Variants in DPH6 observed in about 807,000 individuals in gnomAD.
DPH6 encodes the protein diphthine--ammonia ligase.
Under a neutral mutation model 38.2 loss-of-function variants are expected in DPH6, and 33 were observed. The ratio of observed to expected loss-of-function variants is 0.86; its 90% confidence interval spans 0.65 to 1.15. DPH6 has a LOEUF of 1.15. DPH6 is among the 50% of genes most tolerant of loss of function. The pLI is 0.00. For synonymous variants in DPH6, 108 were observed against 103.0 expected, an observed-to-expected ratio of 1.05 and a Z score of -0.30; for missense variants, 325 against 320.0, an observed-to-expected ratio of 1.02 and a Z score of -0.12.
intron 3 of DPH6, among the ~76,000 whole-genome samples, chr15:35,458,100 A>C (rs961820244): frequency 6.6e-6 from 1 of 152,348 alleles, no homozygotes; most frequent in African/African-American, 2.4e-5. Flanking sequence ...AATAGCTGCC[A>C]TACTGTATTT....
At chr15:35,380,984 ATGTCT>A (rs1427553322) in intron 7 of DPH6, among the ~76,000 whole-genome samples, 1 of 152,184 alleles carries the variant, frequency 6.6e-6, no homozygotes, top group African/African-American at 2.4e-5. Flanking sequence ...GGTAATGAAA[ATGTCT>A]TGTCATATTT....
rs532652206 is a variant in DPH6, at chr15:35,521,222, C to T, written c.312+17052G>A. 344 of 985,502 alleles carry T rather than the reference C, an allele frequency of 3.5e-4. 1 individual carries two copies. The African/African-American group carries it at 5.6e-3, about 16-fold the overall frequency. The allele number at this position is 985,502 out of a possible 1,614,324, so 61.0% of individuals were successfully genotyped here. A position where few individuals can be genotyped will look rare whatever the true frequency, so the allele number is the denominator to read the frequency against. On this transcript the variant is annotated intron_variant, in intron 3 of 8. Coordinates refer to ENST00000256538, the MANE Select transcript of DPH6 (RefSeq NM_080650.4). Reference sequence around the variant, plus strand: ...TAATTTATGGGTTTTGCTTAGTTTCCTCCTAAGGCAAGGCAGTTCTAGTCA... The same window carrying T: ...TAATTTATGGGTTTTGCTTAGTTTCTTCCTAAGGCAAGGCAGTTCTAGTCA...
At chr15:35,379,991 T>C (rs959642928) in intron 7 of DPH6, among the ~76,000 whole-genome samples, 3 of 152,030 alleles carry the variant, frequency 2.0e-5, no homozygotes, top group Middle Eastern at 3.4e-3. Context: ...AAGTGAGGCA[T>C]AGCCTATGAA....
chr15:35,433,569 C>G (rs1363984507), intron 5 of DPH6, among the ~76,000 whole-genome samples: 1 of 152,110 alleles, frequency 6.6e-6, no homozygotes, highest in Non-Finnish European at 1.5e-5. Flanking sequence ...TTCACAATTA[C>G]TAAATTCTTC....
intron 6 of DPH6, among the ~76,000 whole-genome samples, chr15:35,389,985 G>A (rs181241871): frequency 5.9e-4 from 90 of 152,284 alleles, no homozygotes; most frequent in African/African-American, 2.0e-3. Context: ...AATACTGCTT[G>A]TTCCTTTCCA....
chr15:35,231,520 T>G (rs2051517573), intron 3 of DPH6, among the ~76,000 whole-genome samples: 1 of 152,212 alleles, frequency 6.6e-6, no homozygotes, highest in Non-Finnish European at 1.5e-5. Context: ...TTTTTTTGTG[T>G]GTAGAAAGTT....
chr15:35,544,526 A>T (rs1484667016), intron 1 of DPH6, among the ~76,000 whole-genome samples: 1 of 152,118 alleles, frequency 6.6e-6, no homozygotes, highest in Non-Finnish European at 1.5e-5. Flanking sequence ...AAAAAGGAAA[A>T]TAATCTTCTT....
intron 3 of DPH6, among the ~76,000 whole-genome samples, chr15:35,223,344 T>A (rs1206515477): frequency 1.3e-5 from 2 of 151,982 alleles, no homozygotes; most frequent in Non-Finnish European, 2.9e-5. Context: ...AGGGTGGAGC[T>A]CTAATGGACT....
At chr15:35,260,978 A>G (rs962144895) in intron 3 of DPH6, among the ~76,000 whole-genome samples, 11 of 152,170 alleles carry the variant, frequency 7.2e-5, no homozygotes, top group Admixed American at 7.2e-4. Context: ...ACATTTTAAC[A>G]CCTACCCATT....
intron 3 of DPH6, among the ~76,000 whole-genome samples, chr15:35,356,313 C>G (rs2052559689): frequency 6.6e-6 from 1 of 152,188 alleles, no homozygotes; most frequent in African/African-American, 2.4e-5. Flanking sequence ...CAGCTTTGTT[C>G]TGTTGCTGGT....
At chr15:35,220,054 T>C (rs996871031) in exon 4 of DPH6, 2 of 152,224 alleles carry the variant, frequency 1.3e-5, no homozygotes, top group African/African-American at 4.8e-5. Context: ...TGTTACACAT[T>C]TATTATGAAA....
Position 35,358,486 on chromosome 15 carries a change from T to G in DPH6, n.207+15035A>C, listed in dbSNP as rs141001964. 6.0e-4 allele frequency among the ~76,000 whole-genome samples: 91 copies of G among 152,302 alleles called. 1 individual carries two copies. The East Asian group carries it at 0.016, about 27-fold the overall frequency. On this transcript the variant is annotated intron_variant and non_coding_transcript_variant, in intron 3 of 3. Transcript: ENST00000558973. Reference sequence around the variant, plus strand: ...TTTTGTCATATTACCAGGGTTGGTTTTCTGGTTGCTTCTCATTTGGGTAGC... The same window carrying G: ...TTTTGTCATATTACCAGGGTTGGTTGTCTGGTTGCTTCTCATTTGGGTAGC...
intron 3 of DPH6, chr15:35,521,527 G>A (rs1427550496): frequency 3.3e-6 from 4 of 1,221,442 alleles, no homozygotes; most frequent in Non-Finnish European, 4.1e-6. Flanking sequence ...GAAGAGTTGT[G>A]TTCAATTTTG....
At chr15:35,476,565 AT>A (rs1343023508) in intron 3 of DPH6, among the ~76,000 whole-genome samples, 1 of 151,856 alleles carries the variant, frequency 6.6e-6, no homozygotes, top group Non-Finnish European at 1.5e-5. Flanking sequence ...CAAAGATTCT[AT>A]TTTTTTCTTC....
At chr15:35,222,790 A>T (rs2051451396) in intron 3 of DPH6, among the ~76,000 whole-genome samples, 1 of 152,144 alleles carries the variant, frequency 6.6e-6, no homozygotes, top group African/African-American at 2.4e-5. Context: ...TGTGAAGATA[A>T]ACTATCAATT....
At chr15:35,385,700 A>C (rs1051592890) in intron 6 of DPH6, among the ~76,000 whole-genome samples, 2 of 152,086 alleles carry the variant, frequency 1.3e-5, no homozygotes, top group Non-Finnish European at 2.9e-5. Flanking sequence ...CCACCATGGC[A>C]TGTGTATACC....
intron 3 of DPH6, among the ~76,000 whole-genome samples, chr15:35,358,435 T>A (rs2052586624): frequency 6.6e-6 from 1 of 152,182 alleles, no homozygotes; most frequent in African/African-American, 2.4e-5. Flanking sequence ...CTAGTATGAT[T>A]TTTTTGGAGG....
At chr15:35,455,143 C>A (rs1215490767) in intron 3 of DPH6, among the ~76,000 whole-genome samples, 1 of 152,136 alleles carries the variant, frequency 6.6e-6, no homozygotes, top group African/African-American at 2.4e-5. Context: ...TCGATGGAAA[C>A]TTTTGAGAAA....
At chr15:35,177,591 A>AAAAG in the DPH6 span, among the ~76,000 whole-genome samples, 1 of 139,286 alleles carries the variant, frequency 7.2e-6, no homozygotes. Flanking sequence ...AAAAAAAAAA[A>AAAAG]AAAAAAAAAA....
Sources: allele counts gnomAD v4.1 joint callset (sites outside exome capture counted in the v4.1 genomes callset), GRCh38; gene constraint gnomAD v4.1.1; transcripts MANE v1.5; gene names NCBI Gene and HGNC (gene_info 2026-07-23, HGNC 2026-07-21).